KCND2: variants seen among roughly 807,000 people sequenced by gnomAD.
KCND2 encodes the protein A-type voltage-gated potassium channel KCND2.
KCND2 carries 16 observed loss-of-function variants against 54.4 expected under a neutral mutation model. The ratio of observed to expected loss-of-function variants is 0.29; its 90% confidence interval spans 0.20 to 0.45. KCND2 has a LOEUF of 0.45. Among genes scored for constraint, KCND2 ranks in the 20% least tolerant of loss-of-function variants. The pLI, the probability that KCND2 is intolerant of heterozygous loss-of-function variation, is 1.00. For synonymous variants in KCND2, 317 were observed against 310.7 expected, an observed-to-expected ratio of 1.02 and a Z score of -0.21; for missense variants, 486 against 824.2, an observed-to-expected ratio of 0.59 and a Z score of 5.02.
In KCND2 at chr7:120,484,701, G is replaced by GCACACACA. The variant is rs3067134; in HGVS notation, c.1115+208979_1115+208986dup. 3.5e-3 allele frequency among the ~76,000 whole-genome samples: 476 copies of GCACACACA among 137,628 alleles called. 1 individual carries two copies. Among genetic ancestry groups the GCACACACA allele is most frequent in the Non-Finnish European group, 6.1e-3 (375 of 61,218 alleles). 90.3% of individuals were successfully genotyped at this position (137,628 alleles called of 152,430 possible). A position where few individuals can be genotyped will look rare whatever the true frequency, so the allele number is the denominator to read the frequency against. The stretch of plus-strand genomic sequence containing the variant: ...AGATTCAGGCTTATATATATTACAC[G>GCACACACA]CACACACACACACACACACACACAC... On this transcript the variant is annotated intron_variant, in intron 1 of 5. Transcript: ENST00000331113.
intron 1 of KCND2, among the ~76,000 whole-genome samples, chr7:120,339,497 AG>A (rs1800207452): frequency 1.4e-5 from 2 of 146,982 alleles, no homozygotes; most frequent in African/African-American, 5.3e-5. Flanking sequence ...AATTCTCTTT[AG>A]AAGGCTGTGT....
intron 1 of KCND2, among the ~76,000 whole-genome samples, chr7:120,622,933 A>C (rs184298391): frequency 9.5e-4 from 144 of 152,286 alleles, no homozygotes; most frequent in Middle Eastern, 6.8e-3. Flanking sequence ...AGAAACATAA[A>C]GTAGACTTAA....
intron 1 of KCND2, among the ~76,000 whole-genome samples, chr7:120,460,548 C>A (rs7787689): frequency 0.059 from 8,942 of 150,630 alleles, 824 homozygotes; most frequent in African/African-American, 0.21. Flanking sequence ...ATTTATTTCC[C>A]CACCACGGCC....
At chr7:120,439,516 A>G (rs1449108988) in intron 1 of KCND2, among the ~76,000 whole-genome samples, 2 of 152,186 alleles carry the variant, frequency 1.3e-5, no homozygotes, top group Admixed American at 6.5e-5. Flanking sequence ...GGGCACATTC[A>G]AAATCTTCTC....
intron 1 of KCND2, among the ~76,000 whole-genome samples, chr7:120,474,932 C>G (rs764745141): frequency 3.3e-5 from 5 of 151,968 alleles, no homozygotes; most frequent in Non-Finnish European, 5.9e-5. Flanking sequence ...CTCCGAACTC[C>G]TGGGCTCAAG....
intron 1 of KCND2, among the ~76,000 whole-genome samples, chr7:120,422,345 CTGT>C (rs1801637756): frequency 6.6e-6 from 1 of 152,132 alleles, no homozygotes; most frequent in Admixed American, 6.5e-5. Flanking sequence ...CAACTTTGAG[CTGT>C]TTTTTCCTTT....
chr7:120,744,689 G>A (rs376638141), intron 4 of KCND2, among the ~76,000 whole-genome samples: 3 of 152,026 alleles, frequency 2.0e-5, no homozygotes, highest in Non-Finnish European at 2.9e-5. Flanking sequence ...ATGACAAAAC[G>A]AGTAGCTAAA....
At chr7:120,738,517 A>G (rs1200677113) in intron 2 of KCND2, among the ~76,000 whole-genome samples, 1 of 152,090 alleles carries the variant, frequency 6.6e-6, no homozygotes, top group Non-Finnish European at 1.5e-5. Flanking sequence ...GAAAATAACT[A>G]TGAAGCTTTT....
chr7:120,385,286 C>T (rs1325286577), intron 1 of KCND2, among the ~76,000 whole-genome samples: 2 of 151,938 alleles, frequency 1.3e-5, no homozygotes, highest in African/African-American at 4.8e-5. Context: ...AGCCACCATG[C>T]CCGGCCCATT....
In KCND2 at chr7:120,418,003, A is replaced by G. The variant is rs187931785; in HGVS notation, c.1115+142256A>G. 3.9e-4 allele frequency among the ~76,000 whole-genome samples: 59 copies of G among 152,320 alleles called. No homozygotes were observed. The East Asian group carries it at 0.011, about 28-fold the overall frequency. ...AACCCACTAAATATCCACTTGGTAA[A>G]AGCCCGATTCAAGAAACATTTTTTG... On this transcript the variant is annotated intron_variant, in intron 1 of 5. Coordinates refer to ENST00000331113, the MANE Select transcript of KCND2 (RefSeq NM_012281.3).
At position 120,734,893 on chromosome 7, in the gene KCND2, C is replaced by T. The variant is rs534128960; in HGVS notation, c.1278+1828C>T. ...TAATTCCAGAACGGGATCTTAAGCA[C>T]GCATATGAACAATGTCAGCCTCTTA... On this transcript the variant is annotated intron_variant, in intron 2 of 5. Coordinates refer to ENST00000331113, the MANE Select transcript of KCND2 (RefSeq NM_012281.3). Among the ~76,000 whole-genome samples, 18 of 152,116 alleles carry T rather than the reference C, an allele frequency of 1.2e-4. No individual in the cohort carries two copies. The East Asian group carries it at 1.7e-3, about 15-fold the overall frequency.
chr7:120,728,968 C>CTTTCAATGA (rs1038153239), intron 1 of KCND2, among the ~76,000 whole-genome samples: 3 of 152,148 alleles, frequency 2.0e-5, no homozygotes, highest in Admixed American at 6.6e-5. Flanking sequence ...AACACTTAAA[C>CTTTCAATGA]TTTCAATGAT....
At chr7:120,396,670 T>C (rs1285199938) in intron 1 of KCND2, among the ~76,000 whole-genome samples, 2 of 151,664 alleles carry the variant, frequency 1.3e-5, no homozygotes, top group Non-Finnish European at 2.9e-5. Flanking sequence ...TAAATGTGTG[T>C]GTGTGTGTGC....
chr7:120,670,706 G>A (rs1280199118), intron 1 of KCND2, among the ~76,000 whole-genome samples: 2 of 152,002 alleles, frequency 1.3e-5, no homozygotes, highest in Admixed American at 1.3e-4. Flanking sequence ...CACGAGGTCA[G>A]GAGATCCAGA....
chr7:120,651,762 A>G (rs1791736772), intron 1 of KCND2, among the ~76,000 whole-genome samples: 1 of 152,046 alleles, frequency 6.6e-6, no homozygotes, highest in Admixed American at 6.5e-5. Flanking sequence ...TCCTTTTTCT[A>G]AATTTAAATT....
intron 1 of KCND2, among the ~76,000 whole-genome samples, chr7:120,301,540 T>G (rs936215375): frequency 3.3e-5 from 5 of 152,196 alleles, no homozygotes; most frequent in African/African-American, 1.2e-4. Context: ...CCTGCAGATT[T>G]ATTTAATTCT....
rs147255367 is a variant in KCND2, at chr7:120,492,635, T to C, written c.1115+216888T>C. On this transcript the variant is annotated intron_variant, in intron 1 of 5. Transcript: ENST00000331113. Reference sequence around the variant, plus strand: ...CGCAAAGCAGCTCTCTAGAGTTTCTTTTATAAGGACACTACAGATGCTCCT... The same window carrying C: ...CGCAAAGCAGCTCTCTAGAGTTTCTCTTATAAGGACACTACAGATGCTCCT... Among the ~76,000 whole-genome samples, 11 of 152,174 alleles carry C rather than the reference T, an allele frequency of 7.2e-5. No individual in the cohort carries two copies. In the South Asian group the frequency reaches 2.1e-3, roughly 29 times the overall value.
At chr7:120,454,242 T>C (rs942437550) in intron 1 of KCND2, among the ~76,000 whole-genome samples, 5 of 151,602 alleles carry the variant, frequency 3.3e-5, no homozygotes, top group African/African-American at 1.2e-4. Flanking sequence ...GACATAAAAA[T>C]CCATAGGAAA....
intron 1 of KCND2, among the ~76,000 whole-genome samples, chr7:120,607,187 G>A (rs1420690257): frequency 8.6e-5 from 2 of 23,220 alleles, no homozygotes; most frequent in South Asian, 3.0e-3. Flanking sequence ...GCAGATTAAG[G>A]TTTGTTTTTT....
Sources: gnomAD v4.1 joint callset for allele counts (sites outside exome capture counted in the v4.1 genomes callset) on GRCh38, gnomAD v4.1.1 for gene constraint, MANE v1.5 for transcripts, NCBI Gene and HGNC (gene_info 2026-07-23, HGNC 2026-07-21) for gene names.